Variants in BRCA1 observed in about 807,000 individuals in gnomAD.
BRCA1 encodes the protein breast cancer type 1 susceptibility protein.
A neutral mutation model predicts 173.7 loss-of-function variants in BRCA1; 140 were observed. The ratio of observed to expected loss-of-function variants is 0.81; its 90% CI spans 0.70 to 0.93. The LOEUF (loss-of-function observed/expected upper bound fraction) is 0.93, where lower values mean the gene tolerates loss of function less well. Ranked by LOEUF, BRCA1 falls within the 40% of genes least tolerant of loss-of-function variation. The probability of loss-of-function intolerance (pLI) is 0.00; values close to 1 mark genes in which losing one functional copy is unlikely to be tolerated. For synonymous variants in BRCA1, 662 were observed against 756.0 expected (o/e 0.88, Z 2.04); for missense variants, 1,983 against 2,172.5 (o/e 0.91, Z 1.73).
rs273901741 is a variant in BRCA1 at position 43,071,184 on chromosome 17, G to A, written c.4730C>T (p.Ser1577Phe). Residue 1577 changes from serine (S) to phenylalanine (F), a missense_variant, in exon 15 of 23, where the codon TCT becomes TTT. Ser to Phe is a radical substitution (Grantham distance 155). Transcript: ENST00000357654. The part of the protein sequence containing the change: ...GISLFSDDPE[S>F]DPSEDRAPES... ...TGGGGCTCTGTCTTCAGAAGGATCA[G>A]ATTCAGGGTCATCAGAGAAGAGGCT... 6.2e-7 allele frequency: 1 copy of A among 1,614,214 alleles called. No individual in the cohort carries two copies. The highest frequency in any genetic ancestry group is 1.1e-5 in the South Asian group (1 of 91,084).
chr17:43,098,056 G>C (rs1160122798), intron 7 of BRCA1, among the ~76,000 whole-genome samples: 1 of 129,344 alleles, frequency 7.7e-6, no homozygotes, highest in Non-Finnish European at 1.6e-5. Context: ...TGGAGGTCTT[G>C]CTCTGTCACC....
In BRCA1 at chr17:43,067,665, G is replaced by A. The variant is rs758539222; in HGVS notation, c.5017C>T (p.His1673Tyr). 6.2e-7 allele frequency: 1 copy of A among 1,613,338 alleles called. No homozygotes were observed. The highest frequency in any genetic ancestry group is 1.1e-5 in the South Asian group (1 of 91,064). ...GTAATTAGATTAGTTAAAGTGATGTGGTGTTTTCTGGCAAACTTGTACACG... is the reference window on the plus strand; with the variant it reads ...GTAATTAGATTAGTTAAAGTGATGTAGTGTTTTCTGGCAAACTTGTACACG... Reference protein sequence around the residue: ...MLVYKFARKHHITLTNLITEE... With the variant: ...MLVYKFARKHYITLTNLITEE... Residue 1673 changes from histidine to tyrosine, a missense_variant, in exon 16 of 23, where the codon CAC (histidine) becomes TAC (tyrosine). Transcript: ENST00000357654.
chr17:43,155,692 C>T (rs1438047352), intron 1 of BRCA1, among the ~76,000 whole-genome samples: 2 of 152,074 alleles, frequency 1.3e-5, no homozygotes, highest in African/African-American at 4.8e-5. Context: ...GCTGCCATGC[C>T]TGGCTAATTT....
At chr17:43,126,552 T>C (rs2055881074), upstream of BRCA1, among the ~76,000 whole-genome samples, 2 of 152,170 alleles carry the variant, frequency 1.3e-5, no homozygotes, top group Admixed American at 6.5e-5. Flanking sequence ...GGGGCGACTT[T>C]TTCCGTGTCT....
intron 19 of BRCA1, among the ~76,000 whole-genome samples, chr17:43,055,016 C>T (rs1264059848): frequency 1.3e-5 from 2 of 152,188 alleles, no homozygotes; most frequent in Non-Finnish European, 2.9e-5. Context: ...TCCCAAAGTG[C>T]TGGGATCACA....
rs2154260414 is a variant in BRCA1 at position 43,091,086 on chromosome 17, A to G, written c.4097-54T>C. The G allele has an allele frequency of 2.7e-6, 4 of 1,476,070 alleles. No individual in the cohort carries two copies. The Admixed American group carries it at 7.4e-5, about 27-fold the overall frequency. The allele number at this position is 1,476,070 out of a possible 1,614,324, so 91.4% of individuals were successfully genotyped here. A position where few individuals can be genotyped will look rare whatever the true frequency, so the allele number is the denominator to read the frequency against. ...GTAAAAGCAGACTATAAACGCTGCA[A>G]CTTGCTGTGTCTTTTTCTTCTCATT... On this transcript the variant is annotated intron_variant, in intron 10 of 22. Coordinates refer to ENST00000357654, the MANE Select transcript of BRCA1 (RefSeq NM_007294.4).
At chr17:43,079,179 AAAAACAAAAC>A (rs1207247826) in intron 12 of BRCA1, 3 of 702,486 alleles carry the variant, frequency 4.3e-6, no homozygotes, top group South Asian at 1.7e-5. Flanking sequence ...CATCTCAAAC[AAAAACAAAAC>A]AAAACAAAAC....
chr17:43,107,122 T>C (rs2054827562), intron 3 of BRCA1, among the ~76,000 whole-genome samples: 1 of 147,598 alleles, frequency 6.8e-6, no homozygotes, highest in Non-Finnish European at 1.5e-5. Flanking sequence ...TGGAGTGCAG[T>C]GGCACGATCT....
Position 43,093,454 on chromosome 17 carries a change from C to T in BRCA1, c.2077G>A (p.Asp693Asn), listed in dbSNP as rs4986850. 0.07 allele frequency: 112,589 copies of T among 1,613,950 alleles called. 4,445 individuals carry two copies. The highest frequency in any genetic ancestry group is 0.078 in the Non-Finnish European group (92,206 of 1,179,928). The change falls in exon 10 of 23, where the codon GAC becomes AAC. Residue 693 changes from aspartate to asparagine, a missense_variant. Coordinates refer to ENST00000357654, the MANE Select transcript of BRCA1 (RefSeq NM_007294.4). Reference sequence around the variant, plus strand: ...TTCAGCTCTGGGAAAGTATCGCTGTCATGTCTTTTACTTGTCTGTTCATTT... The same window carrying T: ...TTCAGCTCTGGGAAAGTATCGCTGTTATGTCTTTTACTTGTCTGTTCATTT... ...KPNEQTSKRHDSDTFPELKLT... is the reference protein window; with the variant it reads ...KPNEQTSKRHNSDTFPELKLT...
At position 43,093,994 on chromosome 17, in the gene BRCA1, G is replaced by A. The variant is rs2154439034; in HGVS notation, c.1537C>T (p.His513Tyr). ...GCTTTCTTGATAAAATCCTCAGGAT[G>A]AAGGCCTGATGTAGGTCTCCTTTTA... ...KRKRRPTSGL[H>Y]PEDFIKKADL... The change falls in exon 10 of 23, where the codon CAT becomes TAT. Residue 513 changes from histidine to tyrosine, a missense_variant. His to Tyr is a moderately conservative substitution (Grantham distance 83, BLOSUM62 2). Transcript: ENST00000357654. 6.2e-7 allele frequency: 1 copy of A among 1,613,862 alleles called. No individual in the cohort carries two copies. The highest frequency in any genetic ancestry group is 8.5e-7 in the Non-Finnish European group (1 of 1,179,950).
At chr17:43,146,807 T>G (rs1428586206) in intron 1 of BRCA1, among the ~76,000 whole-genome samples, 3 of 152,212 alleles carry the variant, frequency 2.0e-5, no homozygotes, top group Admixed American at 2.0e-4. Context: ...CCGACTCTCC[T>G]GTTGAGATCT....
At chr17:43,052,637 T>G (rs79944172) in intron 19 of BRCA1, among the ~76,000 whole-genome samples, 1 of 151,982 alleles carries the variant, frequency 6.6e-6, no homozygotes, top group East Asian at 1.9e-4. Flanking sequence ...ACCTTCCCAT[T>G]GCAATAAAAA....
At chr17:43,168,627 G>A (rs1477487978) in intron 1 of BRCA1, among the ~76,000 whole-genome samples, 4 of 152,204 alleles carry the variant, frequency 2.6e-5, no homozygotes, top group East Asian at 1.9e-4. Flanking sequence ...CAACAAGAGC[G>A]AAGCTCCGTC....
chr17:43,138,380 C>G, intron 1 of BRCA1: 1 of 511,942 alleles, frequency 2.0e-6, no homozygotes, highest in Non-Finnish European at 3.5e-6. Flanking sequence ...AGGTGTTTCT[C>G]CAATCAACTC....
intron 3 of BRCA1, 75 bp from the exon 4 acceptor site, chr17:43,106,608 C>T (rs1380870738): frequency 1.8e-6 from 2 of 1,139,736 alleles, no homozygotes; most frequent in Non-Finnish European, 2.6e-6. Context: ...AGGCAAATAG[C>T]CATGAAAAGA....
At chr17:43,074,742 C>A (rs1213172861) in intron 13 of BRCA1, among the ~76,000 whole-genome samples, 1 of 152,016 alleles carries the variant, frequency 6.6e-6, no homozygotes, top group East Asian at 1.9e-4. Context: ...TCTGAGGCAC[C>A]ATATCTCCCA....
chr17:43,104,024 T>A (rs980152804), intron 6 of BRCA1, 98 bp downstream of exon 6: 1 of 1,458,166 alleles, frequency 6.9e-7, no homozygotes, highest in Admixed American at 1.9e-5. Context: ...GGAGGACTGC[T>A]TCTAGCCTGG....
chr17:43,157,951 T>C (rs1029593932), intron 1 of BRCA1, among the ~76,000 whole-genome samples: 1 of 143,518 alleles, frequency 7.0e-6, no homozygotes, highest in Admixed American at 7.1e-5. Context: ...AGCCGAGATG[T>C]GCCATTGCAC....
In BRCA1 at chr17:43,079,155, C is replaced by T. The variant is rs889708891; in HGVS notation, c.4358-2541G>A. On this transcript the variant is annotated intron_variant, in intron 12 of 22. Coordinates refer to ENST00000357654, the MANE Select transcript of BRCA1 (RefSeq NM_007294.4). ...CACCATTGCACTCCAGCCTGGGCAA[C>T]AAAAGTGAAACTTCATCTCAAACAA... The T allele has an allele frequency of 2.4e-5, 16 of 654,066 alleles. 1 individual carries two copies. The Admixed American group carries it at 2.7e-4, about 11-fold the overall frequency. 40.5% of individuals were successfully genotyped at this position (654,066 alleles called of 1,614,324 possible).
Sources: allele counts gnomAD v4.1 joint callset (sites outside exome capture counted in the v4.1 genomes callset), GRCh38; gene constraint gnomAD v4.1.1; transcripts MANE v1.5; gene names NCBI Gene and HGNC (gene_info 2026-07-23, HGNC 2026-07-21).